The following SUV39H1 variants were observed in gnomAD, a reference collection of about 807,000 sequenced individuals.
SUV39H1 encodes histone-lysine N-methyltransferase SUV39H1.
For synonymous variants in SUV39H1, 141 were observed against 150.5 expected (o/e 0.94, Z 0.46); for missense variants, 180 against 386.3 (o/e 0.47, Z 4.48).
At chrX:48,702,468 A>G (rs1225397762) in intron 3 of SUV39H1, among the ~76,000 whole-genome samples, 6 of 111,199 alleles carry the variant, frequency 5.4e-5, no homozygotes, top group Non-Finnish European at 1.1e-4. Context: ...CATGCCCTCA[A>G]TGTCCTGACG....
chrX:48,697,212 G>T (rs2062459620), intron 1 of SUV39H1, among the ~76,000 whole-genome samples: 1 of 111,740 alleles, frequency 8.9e-6, no homozygotes, highest in South Asian at 3.7e-4. Context: ...CCCCCCTTCA[G>T]AGTGCGGGGA....
At chrX:48,700,064 C>T in intron 2 of SUV39H1, 27 bp from the exon 3 acceptor site, 2 of 1,117,677 alleles carry the variant, frequency 1.8e-6, no homozygotes, top group Non-Finnish European at 1.2e-6. Context: ...CTTACGGTAC[C>T]CCCGTCCCCC....
At chrX:48,696,647 C>G, upstream of SUV39H1, 1 of 881,325 alleles carries the variant, frequency 1.1e-6, no homozygotes, top group Non-Finnish European at 1.5e-6. Flanking sequence ...GGGGTTCGGT[C>G]ACGGCTCTCC....
At chrX:48,702,152 C>T (rs1016135939) in intron 3 of SUV39H1, among the ~76,000 whole-genome samples, 2 of 112,398 alleles carry the variant, frequency 1.8e-5, no homozygotes, top group Non-Finnish European at 3.8e-5. Context: ...TGTCTACATG[C>T]CACAGGACCT....
Position 48,700,336 on chromosome X carries a change from C to T in SUV39H1, c.411C>T (p.Ala137=). 1 of 1,212,071 alleles carries T rather than the reference C, an allele frequency of 8.3e-7. No homozygotes were observed. The highest frequency in any genetic ancestry group is 1.7e-5 in the African/African-American group (1 of 57,906). The change falls in exon 3 of 6, where the codon GCC becomes GCT. Residue 137 remains alanine, a synonymous_variant. Transcript: ENST00000376687. ...GTCGCTGGGAGCAGGAGCTCAATGC[C>T]AAGCGCAGCCATCTGGGACGCATCA... ...ALRRWEQELN[A]KRSHLGRITV...
chrX:48,696,932 G>C, intron 1 of SUV39H1, 129 bp downstream of exon 1: 1 of 375,988 alleles, frequency 2.7e-6, no homozygotes. Flanking sequence ...GCGCGGAAAG[G>C]ATGAGGCTCG....
chrX:48,698,886 GC>G lies in SUV39H1; in HGVS notation c.20-12del. ...AGGCTGCCCAGTAATAGTTCTTTCT[GC>G]CCCGCTTGATCCAGGCTGCAGCGTG... is the stretch of plus-strand genomic sequence containing the variant. On this transcript the variant is annotated splice_polypyrimidine_tract_variant and intron_variant, in intron 1 of 5. Transcript: ENST00000376687. The G allele has an allele frequency of 1.7e-6, 2 of 1,205,090 alleles. No individual in the cohort carries two copies. Among genetic ancestry groups the G allele is most frequent in the Middle Eastern group, 2.8e-4 (1 of 3,611 alleles).
At position 48,696,788 on chromosome X, in the gene SUV39H1, G is replaced by T; in HGVS notation, c.4G>T (p.Ala2Ser). 8.8e-7 allele frequency: 1 copy of T among 1,139,940 alleles called. No homozygotes were observed. 93.9% of individuals were successfully genotyped at this position (1,139,940 alleles called of 1,213,427 possible). ...ATGTCGTTAGCCGTGGGGAAAGATG[G>T]CGGAAAATTTAAAAGGTGAAGCAGT... MAENLKGCSVCC... is the reference protein window; with the variant it reads MSENLKGCSVCC... Residue 2 changes from alanine (A) to serine (S), a missense_variant, in exon 1 of 6, where the codon GCG becomes TCG. Physicochemically the swap from Ala to Ser is moderately conservative, Grantham distance 99. Transcript: ENST00000376687.
chrX:48,699,095 G>T (rs782180982), intron 2 of SUV39H1, 48 bp downstream of exon 2: 1 of 1,156,805 alleles, frequency 8.6e-7, no homozygotes, highest in Non-Finnish European at 1.2e-6. Context: ...TCACAAGGAA[G>T]TTAGTGTCCT....
In SUV39H1 at chrX:48,708,485, G is replaced by A. The variant is rs1353300429; in HGVS notation, c.*915G>A. The A allele has an allele frequency of 3.5e-5, 4 of 112,837 alleles. No individual in the cohort carries two copies. Among genetic ancestry groups the A allele is most frequent in the Non-Finnish European group, 7.5e-5 (4 of 53,228 alleles). 9.3% of individuals were successfully genotyped at this position (112,837 alleles called of 1,213,427 possible). A position where few individuals can be genotyped will look rare whatever the true frequency, so the allele number is the denominator to read the frequency against. On this transcript the variant is annotated 3_prime_UTR_variant, in exon 6 of 6. Transcript: ENST00000376687. ...GGGTGGTGATGAGGTGCCAGGCACT[G>A]GGTAGAGCACCTGGTCCACGTGGAT...
At position 48,707,689 on chromosome X, in the gene SUV39H1, C is replaced by A. The variant is rs782774888; in HGVS notation, c.*119C>A. On this transcript the variant is annotated 3_prime_UTR_variant, in exon 6 of 6. Transcript: ENST00000376687. ...CCTCGCCTGCCTCCACCTGCCCCCA[C>A]CTGCTCCTACCTGCTCTACGTTCAG... is the stretch of plus-strand genomic sequence containing the variant. The A allele has an allele frequency of 2.3e-6, 2 of 868,707 alleles. No homozygotes were observed. The highest frequency in any genetic ancestry group is 3.3e-6 in the Non-Finnish European group (2 of 603,726). 71.6% of individuals were successfully genotyped at this position (868,707 alleles called of 1,213,427 possible).
chrX:48,701,486 G>A (rs1444484397), intron 3 of SUV39H1, among the ~76,000 whole-genome samples: 1 of 111,708 alleles, frequency 9.0e-6, no homozygotes, highest in Non-Finnish European at 1.9e-5. Flanking sequence ...GCATTGCCTG[G>A]CAGGCGGGCC....
chrX:48,702,487 GA>G (rs2062478186), intron 3 of SUV39H1, among the ~76,000 whole-genome samples: 1 of 111,220 alleles, frequency 9.0e-6, no homozygotes, highest in African/African-American at 3.3e-5. Flanking sequence ...CGCTCTGGAG[GA>G]AGTGTCCAGA....
In SUV39H1 at chrX:48,699,017, C is replaced by T. The variant is rs782009907; in HGVS notation, c.135C>T (p.Val45=). ...AGAGGAACCTCTATGACTTTGAAGTCGAGTACCTGTGCGATTACAAGAAGA... is the reference window on the plus strand; with the variant it reads ...AGAGGAACCTCTATGACTTTGAAGTTGAGTACCTGTGCGATTACAAGAAGA... ...ISKRNLYDFE[V]EYLCDYKKIR... Residue 45 remains valine, a synonymous_variant, in exon 2 of 6, where the codon GTC becomes GTT. Transcript: ENST00000376687. 9.9e-6 allele frequency: 12 copies of T among 1,208,423 alleles called. No individual in the cohort carries two copies. In the East Asian group the frequency reaches 3.0e-4, roughly 30 times the overall value.
chrX:48,701,973 C>T (rs1290819495), intron 3 of SUV39H1, among the ~76,000 whole-genome samples: 1 of 112,056 alleles, frequency 8.9e-6, no homozygotes, highest in African/African-American at 3.2e-5. Context: ...AGCACTGATA[C>T]TGATGACAAG....
intron 5 of SUV39H1, 68 bp from the exon 6 acceptor site, chrX:48,707,365 TCCTC>T: frequency 1.9e-5 from 20 of 1,032,766 alleles, no homozygotes; most frequent in East Asian, 9.8e-5. Context: ...TTCCCTACCT[TCCTC>T]CCTCCCTCCT....
intron 1 of SUV39H1, among the ~76,000 whole-genome samples, chrX:48,698,028 T>C (rs782275321): frequency 8.9e-5 from 10 of 112,303 alleles, no homozygotes; most frequent in Admixed American, 3.8e-4. Context: ...CAAAATGCAG[T>C]GTGAAAAAAT....
chrX:48,698,095 T>A (rs2062462387), intron 1 of SUV39H1, among the ~76,000 whole-genome samples: 1 of 112,393 alleles, frequency 8.9e-6, no homozygotes, highest in African/African-American at 3.2e-5. Flanking sequence ...TCCTGTAATG[T>A]AGTATCATTC....
upstream of SUV39H1, among the ~76,000 whole-genome samples, chrX:48,696,057 G>A (rs2062453497): frequency 8.8e-6 from 1 of 113,354 alleles, no homozygotes; most frequent in Non-Finnish European, 1.9e-5. Flanking sequence ...CCTAATCACA[G>A]CCCGCCTGGG....
Sources: allele counts gnomAD v4.1 joint callset (sites outside exome capture counted in the v4.1 genomes callset), GRCh38; gene constraint gnomAD v4.1.1; transcripts MANE v1.5; gene names NCBI Gene and HGNC (gene_info 2026-07-23, HGNC 2026-07-21).